Variants in CHST6 observed in about 807,000 individuals in gnomAD.
CHST6 encodes the protein N-acetylglucosamine 6-O-sulfotransferase 5.
For synonymous variants in CHST6, 309 were observed against 276.4 expected (o/e 1.12, Z -1.17); for missense variants, 698 against 586.2 (o/e 1.19, Z -1.97).
chr16:75,489,484 T>C (rs939182774), intron 1 of CHST6, among the ~76,000 whole-genome samples: 4 of 151,492 alleles, frequency 2.6e-5, no homozygotes, highest in African/African-American at 9.7e-5. Context: ...GTTGGAAGTC[T>C]AGCAGTGTAA....
intron 1 of CHST6, among the ~76,000 whole-genome samples, chr16:75,494,073 G>T (rs1457640282): frequency 1.3e-5 from 2 of 152,144 alleles, no homozygotes; most frequent in African/African-American, 2.4e-5. Context: ...TTGAACTCCT[G>T]ACCTCAGGTG....
intron 1 of CHST6, among the ~76,000 whole-genome samples, chr16:75,489,974 C>T (rs1439278826): frequency 2.7e-5 from 4 of 150,922 alleles, no homozygotes; most frequent in African/African-American, 4.9e-5. Flanking sequence ...GTCAGGAGTT[C>T]GAGACCAGCC....
intron 1 of CHST6, among the ~76,000 whole-genome samples, chr16:75,486,046 G>C (rs1275118945): frequency 2.0e-5 from 3 of 152,224 alleles, no homozygotes; most frequent in Non-Finnish European, 4.4e-5. Flanking sequence ...CCAGGCTTCA[G>C]ATGGCCGGGA....
rs140618049 is a variant in CHST6 at position 75,478,885 on chromosome 16, C to T, written c.944G>A (p.Arg315His). 86 of 1,613,368 alleles carry T rather than the reference C, an allele frequency of 5.3e-5. 1 individual carries two copies. The African/African-American group carries it at 1.1e-3, about 20-fold the overall frequency. The change falls in exon 3 of 3, where the codon CGC becomes CAC. Residue 315 changes from arginine (R) to histidine (H), a missense_variant. Arg to His is a conservative substitution (Grantham distance 29). Transcript: ENST00000332272. The stretch of plus-strand genomic sequence containing the variant: ...GGACGAAGTCTTGAAGGCTTCGCGG[C>T]GCGCACCAGGTCCAGATCCGTGGGT... ...NITHGSGPGARREAFKTSSRN... is the reference protein window; with the variant it reads ...NITHGSGPGAHREAFKTSSRN...
Position 75,479,494 on chromosome 16 carries a change from G to A in CHST6, c.335C>T (p.Pro112Leu). 2 of 1,612,982 alleles carry A rather than the reference G, an allele frequency of 1.2e-6. No homozygotes were observed. The highest frequency in any genetic ancestry group is 1.7e-6 in the Non-Finnish European group (2 of 1,179,872). Residue 112 changes from proline to leucine, a missense_variant, in exon 3 of 3, where the codon CCT (proline) becomes CTT (leucine). Transcript: ENST00000332272. Reference sequence around the variant, plus strand: ...GAGGTCGGACAGGTTGCGGCGCCAAGGCAGATAGGCATCAAACACGTCCAT... The same window carrying A: ...GAGGTCGGACAGGTTGCGGCGCCAAAGCAGATAGGCATCAAACACGTCCAT... Reference protein sequence around the residue: ...CDMDVFDAYLPWRRNLSDLFQ... With the variant: ...CDMDVFDAYLLWRRNLSDLFQ...
chr16:75,490,386 G>A (rs1489931777), intron 1 of CHST6, among the ~76,000 whole-genome samples: 3 of 152,034 alleles, frequency 2.0e-5, no homozygotes, highest in Non-Finnish European at 4.4e-5. Flanking sequence ...GCTGAGGCAG[G>A]AGAATCACTT....
chr16:75,481,900 G>C lies in CHST6; in HGVS notation c.-91-9C>G. The C allele has an allele frequency of 2.1e-6, 1 of 472,660 alleles. No individual in the cohort carries two copies. The highest frequency in any genetic ancestry group is 4.3e-6 in the Non-Finnish European group (1 of 232,390). 29.3% of individuals were successfully genotyped at this position (472,660 alleles called of 1,614,324 possible). ...TAGAGGTTCCTCAGCACCTGGTAAA[G>C]CAGGAGGGCGATGGAGTCACACTCT... On this transcript the variant is annotated splice_polypyrimidine_tract_variant and intron_variant, in intron 1 of 2. Transcript: ENST00000332272.
At chr16:75,483,520 C>T (rs1314017781) in intron 1 of CHST6, among the ~76,000 whole-genome samples, 3 of 152,196 alleles carry the variant, frequency 2.0e-5, no homozygotes, top group Non-Finnish European at 2.9e-5. Context: ...AGGAGCCTTA[C>T]GTTCAGCACA....
intron 1 of CHST6, among the ~76,000 whole-genome samples, chr16:75,484,830 C>T (rs533765778): frequency 1.6e-4 from 25 of 152,090 alleles, no homozygotes; most frequent in African/African-American, 5.3e-4. Context: ...GGCGACAGAG[C>T]GAGACTCCAT....
intron 2 of CHST6, among the ~76,000 whole-genome samples, chr16:75,481,205 G>C (rs1382608309): frequency 6.6e-6 from 1 of 152,152 alleles, no homozygotes; most frequent in Admixed American, 6.6e-5. Context: ...GAGCCCAGGA[G>C]TTTGAGGTTG....
chr16:75,478,758 G>A lies in CHST6; in HGVS notation c.1071C>T (p.Gly357=), dbSNP rs138190368. The part of the protein sequence containing the change: ...ELCAGALQLL[G]YRPVYSEDEQ... ...CGTCCTCAGAGTACACAGGCCGGTA[G>A]CCCAGCAGCTGCAGCGCACCAGCGC... is the stretch of plus-strand genomic sequence containing the variant. Residue 357 remains glycine (G), a synonymous_variant, in exon 3 of 3, where the codon GGC becomes GGT. Coordinates refer to ENST00000332272, the MANE Select transcript of CHST6 (RefSeq NM_021615.5). The A allele has an allele frequency of 6.2e-7, 1 of 1,613,376 alleles. No homozygotes were observed. The highest frequency in any genetic ancestry group is 8.5e-7 in the Non-Finnish European group (1 of 1,180,024).
Position 75,472,459 on chromosome 16 carries a change from GA to G in CHST6, c.*6181del, listed in dbSNP as rs2080029821. On this transcript the variant is annotated 3_prime_UTR_variant, in exon 3 of 3. Coordinates refer to ENST00000332272, the MANE Select transcript of CHST6 (RefSeq NM_021615.5). ...CAACATGGGCACAGCCTTGAACAAT[GA>G]AAAAGGAATACAGTTGAGTCATAAG... is the stretch of plus-strand genomic sequence containing the variant. 1 of 152,176 alleles carries G rather than the reference GA, an allele frequency of 6.6e-6. No individual in the cohort carries two copies. The highest frequency in any genetic ancestry group is 1.5e-5 in the Non-Finnish European group (1 of 68,020). 9.4% of individuals were successfully genotyped at this position (152,176 alleles called of 1,614,324 possible). A position where few individuals can be genotyped will look rare whatever the true frequency, so the allele number is the denominator to read the frequency against.
chr16:75,476,258 A>C lies in CHST6; in HGVS notation c.*2383T>G, dbSNP rs1269713762. On this transcript the variant is annotated 3_prime_UTR_variant, in exon 3 of 3. Transcript: ENST00000332272. ...AGAATGGGATTAGTGACATTCTTTA[A>C]AAGGCCCTGGAGACTGGGTACAGTG... is the stretch of plus-strand genomic sequence containing the variant. The C allele has an allele frequency of 1.3e-5, 2 of 152,034 alleles. No individual in the cohort carries two copies. The highest frequency in any genetic ancestry group is 4.8e-5 in the African/African-American group (2 of 41,372). 9.4% of individuals were successfully genotyped at this position (152,034 alleles called of 1,614,324 possible). A position where few individuals can be genotyped will look rare whatever the true frequency, so the allele number is the denominator to read the frequency against.
intron 1 of CHST6, among the ~76,000 whole-genome samples, chr16:75,486,375 C>G (rs1158861684): frequency 1.3e-5 from 2 of 152,210 alleles, no homozygotes; most frequent in Non-Finnish European, 2.9e-5. Flanking sequence ...CTTCTGATAA[C>G]AGTCTCTAGG....
At chr16:75,487,191 T>C (rs1055619082) in intron 1 of CHST6, among the ~76,000 whole-genome samples, 1 of 152,224 alleles carries the variant, frequency 6.6e-6, no homozygotes, top group African/African-American at 2.4e-5. Flanking sequence ...AAACATCCCT[T>C]ACCATTTCTT....
rs372210172 is a variant in CHST6, at chr16:75,486,218, C to G, written c.-91-4327G>C. Among the ~76,000 whole-genome samples, 4 of 152,252 alleles carry G rather than the reference C, an allele frequency of 2.6e-5. No homozygotes were observed. In the East Asian group the frequency reaches 5.8e-4, roughly 22 times the overall value. On this transcript the variant is annotated intron_variant, in intron 1 of 2. Transcript: ENST00000332272. ...CCACTCTGCCCTGCATTGTACTTTG[C>G]TTTCCCTTCTTGCCTGTGAGCAACC...
At position 75,476,608 on chromosome 16, in the gene CHST6, A is replaced by G. The variant is rs1204242694; in HGVS notation, c.*2033T>C. 2 of 148,706 alleles carry G rather than the reference A, an allele frequency of 1.3e-5. No homozygotes were observed. The highest frequency in any genetic ancestry group is 5.0e-5 in the African/African-American group (2 of 40,290). 9.2% of individuals were successfully genotyped at this position (148,706 alleles called of 1,614,324 possible). A position where few individuals can be genotyped will look rare whatever the true frequency, so the allele number is the denominator to read the frequency against. On this transcript the variant is annotated 3_prime_UTR_variant, in exon 3 of 3. Transcript: ENST00000332272. ...AAATGGCCCTGGAGAGCTGTCTCCC[A>G]TCTTCTACGATAAGAGGACACAGCT...
At position 75,479,604 on chromosome 16, in the gene CHST6, G is replaced by A. The variant is rs771056781; in HGVS notation, c.225C>T (p.His75=). ...DVFYLMEPAW[H]VWTTLSQGSA... is the part of the protein sequence containing the mutation. ...TGCCCTGCGACAGGGTGGTCCACAC[G>A]TGCCACGCGGGCTCCATTAGGTAGA... The change falls in exon 3 of 3, where the codon CAC becomes CAT. Residue 75 remains histidine, a synonymous_variant. Coordinates refer to ENST00000332272, the MANE Select transcript of CHST6 (RefSeq NM_021615.5). 7 of 1,612,882 alleles carry A rather than the reference G, an allele frequency of 4.3e-6. No homozygotes were observed. Among genetic ancestry groups the A allele is most frequent in the East Asian group, 2.2e-5 (1 of 44,878 alleles).
chr16:75,472,117 T>C lies in CHST6; in HGVS notation c.*6524A>G, dbSNP rs2080028203. ...CGTTTCAACAAGACATAAAATCCAC[T>C]GGCCATAAGGAAAGGATTCACATTC... On this transcript the variant is annotated 3_prime_UTR_variant, in exon 3 of 3. Coordinates refer to ENST00000332272, the MANE Select transcript of CHST6 (RefSeq NM_021615.5). 1 of 152,212 alleles carries C rather than the reference T, an allele frequency of 6.6e-6. No individual in the cohort carries two copies. Among genetic ancestry groups the C allele is most frequent in the Non-Finnish European group, 1.5e-5 (1 of 68,024 alleles). 9.4% of individuals were successfully genotyped at this position (152,212 alleles called of 1,614,324 possible). A position where few individuals can be genotyped will look rare whatever the true frequency, so the allele number is the denominator to read the frequency against.
Sources: allele counts gnomAD v4.1 joint callset (sites outside exome capture counted in the v4.1 genomes callset), GRCh38; gene constraint gnomAD v4.1.1; transcripts MANE v1.5; gene names NCBI Gene and HGNC (gene_info 2026-07-23, HGNC 2026-07-21).